NUMB: variants seen among roughly 807,000 people sequenced by gnomAD.
NUMB encodes NUMB endocytic adaptor protein, also known as protein numb homolog.
A neutral mutation model predicts 59.7 loss-of-function variants in NUMB; 29 were observed. The observed-to-expected ratio is 0.49, with a 90% CI of 0.36 to 0.66. The LOEUF (loss-of-function observed/expected upper bound fraction) is 0.66, where lower values mean the gene tolerates loss of function less well. NUMB is among the 30% of genes least tolerant of loss of function. The pLI is 0.00. For synonymous variants in NUMB, 288 were observed against 288.2 expected, an observed-to-expected ratio of 1.00 and a Z score of 0.01; for missense variants, 723 against 822.0, an observed-to-expected ratio of 0.88 and a Z score of 1.47.
intron 8 of NUMB, among the ~76,000 whole-genome samples, chr14:73,291,245 T>C (rs1254591847): frequency 6.6e-6 from 1 of 151,816 alleles, no homozygotes; most frequent in Non-Finnish European, 1.5e-5. Context: ...CACAGCCGGC[T>C]AATTTTTGTA....
intron 2 of NUMB, among the ~76,000 whole-genome samples, chr14:73,395,634 T>C (rs1223519994): frequency 6.6e-6 from 1 of 152,028 alleles, no homozygotes; most frequent in Non-Finnish European, 1.5e-5. Flanking sequence ...AATAATAAAA[T>C]ATTAAAATTT....
chr14:73,326,448 GAAACCCCGTCTCTACTA>G (rs777221904), intron 4 of NUMB, among the ~76,000 whole-genome samples: 9 of 151,990 alleles, frequency 5.9e-5, no homozygotes, highest in Non-Finnish European at 1.3e-4. Flanking sequence ...CCAACATGGC[GAAACCCCGTCTCTACTA>G]AAAATACAAA....
At position 73,276,918 on chromosome 14, in the gene NUMB, A is replaced by G. The variant is rs140302682; in HGVS notation, c.1616T>C (p.Phe539Ser). ...AGCCTGAGGGTGGCCTGCAGTGCCA[A>G]ATACGTTGGCCACCATCTGGGAGGG... ...ITPSQMVANV[F>S]GTAGHPQAAH... Residue 539 changes from phenylalanine to serine, a missense_variant, in exon 13 of 13, where the codon TTT becomes TCT. Phe to Ser is a radical substitution (Grantham distance 155). Coordinates refer to ENST00000555238, the MANE Select transcript of NUMB (RefSeq NM_001005743.2). 11 of 1,614,000 alleles carry G rather than the reference A, an allele frequency of 6.8e-6. No homozygotes were observed. The highest frequency in any genetic ancestry group is 9.3e-6 in the Non-Finnish European group (11 of 1,180,030).
At chr14:73,292,656 C>G in intron 8 of NUMB, 78 bp downstream of exon 8, 1 of 1,466,510 alleles carries the variant, frequency 6.8e-7, no homozygotes, top group Non-Finnish European at 9.3e-7. Context: ...GTAGTAGAAA[C>G]CGCTTGGCTG....
chr14:73,367,136 G>A (rs996536547), intron 2 of NUMB, among the ~76,000 whole-genome samples, 155 bp from the exon 3 acceptor site: 1 of 151,726 alleles, frequency 6.6e-6, no homozygotes, highest in Non-Finnish European at 1.5e-5. Flanking sequence ...ATATACTGAA[G>A]ATGATCACTC....
intron 1 of NUMB, among the ~76,000 whole-genome samples, chr14:73,447,304 T>C (rs1316374530): frequency 6.6e-6 from 1 of 150,396 alleles, no homozygotes; most frequent in East Asian, 2.0e-4. Flanking sequence ...CTGGCCAACA[T>C]AGTGAAACCC....
intron 4 of NUMB, among the ~76,000 whole-genome samples, chr14:73,350,130 C>A (rs1235509139): frequency 6.8e-6 from 1 of 147,742 alleles, no homozygotes; most frequent in Admixed American, 6.7e-5. Context: ...TTTCCTATGT[C>A]AATGATCATC....
At chr14:73,367,719 G>A (rs560675574) in intron 2 of NUMB, among the ~76,000 whole-genome samples, 4 of 146,554 alleles carry the variant, frequency 2.7e-5, no homozygotes, top group South Asian at 2.1e-4. Flanking sequence ...AGGCTGCAGC[G>A]AGCTGTGATC....
intron 2 of NUMB, among the ~76,000 whole-genome samples, chr14:73,370,380 G>C (rs1309796990): frequency 2.0e-5 from 3 of 152,108 alleles, no homozygotes; most frequent in African/African-American, 7.2e-5. Context: ...TGCAATGACA[G>C]AACAACAAAC....
chr14:73,284,601 CT>C, intron 9 of NUMB: 1 of 383,580 alleles, frequency 2.6e-6, no homozygotes, highest in Non-Finnish European at 4.7e-6. Flanking sequence ...AATGTTAGAT[CT>C]TTTATTCTCA....
intron 1 of NUMB, among the ~76,000 whole-genome samples, chr14:73,441,587 G>T (rs1883075113): frequency 6.6e-6 from 1 of 151,892 alleles, no homozygotes; most frequent in Non-Finnish European, 1.5e-5. Flanking sequence ...TACTCAAAAA[G>T]CAGAGATCAG....
At chr14:73,428,119 T>C (rs1450337915) in intron 1 of NUMB, among the ~76,000 whole-genome samples, 1 of 152,190 alleles carries the variant, frequency 6.6e-6, no homozygotes, top group Admixed American at 6.5e-5. Flanking sequence ...TTTAAGATGA[T>C]ACAATTGAAA....
chr14:73,329,858 A>G (rs1480440815), intron 4 of NUMB, among the ~76,000 whole-genome samples: 1 of 152,210 alleles, frequency 6.6e-6, no homozygotes, highest in Non-Finnish European at 1.5e-5. Flanking sequence ...TGAAGCACCC[A>G]GCGCAGTGTC....
At chr14:73,405,038 C>A (rs1896593999) in intron 2 of NUMB, among the ~76,000 whole-genome samples, 1 of 152,042 alleles carries the variant, frequency 6.6e-6, no homozygotes, top group South Asian at 2.1e-4. Context: ...GGATTACAGG[C>A]GTGAGAAAAT....
At chr14:73,443,111 C>T (rs560892487) in intron 1 of NUMB, among the ~76,000 whole-genome samples, 1 of 152,272 alleles carries the variant, frequency 6.6e-6, no homozygotes, top group South Asian at 2.1e-4. Context: ...ATCTGCCTTC[C>T]TTGGCCTCCC....
chr14:73,391,957 G>T (rs531962167), intron 2 of NUMB, among the ~76,000 whole-genome samples: 1 of 152,272 alleles, frequency 6.6e-6, no homozygotes, highest in African/African-American at 2.4e-5. Flanking sequence ...GTGTATATAC[G>T]GAAGAGGAGT....
chr14:73,408,932 T>G (rs1489939113), intron 2 of NUMB, among the ~76,000 whole-genome samples: 1 of 152,056 alleles, frequency 6.6e-6, no homozygotes, highest in Non-Finnish European at 1.5e-5. Context: ...CTATTTCACT[T>G]TATTTCTGTT....
chr14:73,305,084 T>C (rs2139868938), intron 6 of NUMB, among the ~76,000 whole-genome samples: 1 of 152,228 alleles, frequency 6.6e-6, no homozygotes. Context: ...GTTTTTAAAT[T>C]GTTGAAATTA....
intron 1 of NUMB, among the ~76,000 whole-genome samples, chr14:73,445,401 C>G (rs1595048177): frequency 9.9e-6 from 1 of 101,292 alleles, no homozygotes; most frequent in Non-Finnish European, 2.1e-5. Flanking sequence ...AAAAAACTTA[C>G]AGCTGATTTA....
Sources: allele counts gnomAD v4.1 joint callset (sites outside exome capture counted in the v4.1 genomes callset), GRCh38; gene constraint gnomAD v4.1.1; transcripts MANE v1.5; gene names NCBI Gene and HGNC (gene_info 2026-07-23, HGNC 2026-07-21).